COL23A1: variants seen among roughly 807,000 people sequenced by gnomAD.
COL23A1 encodes the protein collagen type XXIII alpha 1 chain.
Under a neutral mutation model 99.3 loss-of-function variants are expected in COL23A1, and 97 were observed. That is an observed-to-expected ratio of 0.98 (90% CI 0.83 to 1.16). The LOEUF is 1.16. Ranked by LOEUF, COL23A1 falls within the 50% of genes most tolerant of loss-of-function variation. COL23A1 has a pLI of 0.00. For missense variants in COL23A1, 762 were observed against 757.4 expected (o/e 1.01, Z -0.07); for synonymous variants, 320 against 308.2 (o/e 1.04, Z -0.40).
At chr5:178,567,495 C>A (rs1235370113) in intron 1 of COL23A1, among the ~76,000 whole-genome samples, 4 of 152,180 alleles carry the variant, frequency 2.6e-5, no homozygotes, top group Non-Finnish European at 5.9e-5. Context: ...GTAATCCCAG[C>A]AATTTGGGAC....
chr5:178,548,192 G>A (rs973070132), intron 2 of COL23A1, among the ~76,000 whole-genome samples: 2 of 150,958 alleles, frequency 1.3e-5, no homozygotes, highest in African/African-American at 4.9e-5. Context: ...CATCACTCCC[G>A]GCACCGTGTG....
At chr5:178,393,294 G>A (rs948173347) in intron 2 of COL23A1, among the ~76,000 whole-genome samples, 7 of 152,184 alleles carry the variant, frequency 4.6e-5, no homozygotes, top group East Asian at 1.9e-4. Context: ...AAGAAGTCAC[G>A]GAAGGACAAA....
intron 2 of COL23A1, among the ~76,000 whole-genome samples, chr5:178,535,526 G>A (rs1167652025): frequency 2.0e-5 from 3 of 152,262 alleles, no homozygotes; most frequent in Admixed American, 1.3e-4. Flanking sequence ...ACAGCAGTGC[G>A]CAGCCCAGAG....
At chr5:178,324,001 AG>A (rs1759495629) in intron 2 of COL23A1, among the ~76,000 whole-genome samples, 1 of 152,142 alleles carries the variant, frequency 6.6e-6, no homozygotes, top group African/African-American at 2.4e-5. Flanking sequence ...TTAAAGAAAA[AG>A]AAATGTGACG....
chr5:178,369,203 T>A (rs1317882805), intron 2 of COL23A1, among the ~76,000 whole-genome samples: 1 of 152,144 alleles, frequency 6.6e-6, no homozygotes, highest in Non-Finnish European at 1.5e-5. Context: ...GTGTATCTTG[T>A]CCTGTCCAGG....
chr5:178,522,569 G>A (rs1760007745), intron 2 of COL23A1, among the ~76,000 whole-genome samples: 1 of 152,148 alleles, frequency 6.6e-6, no homozygotes, highest in Non-Finnish European at 1.5e-5. Context: ...CGAGCCGGTG[G>A]TCAGCACATG....
chr5:178,560,911 G>A (rs536043067), intron 1 of COL23A1, among the ~76,000 whole-genome samples, 163 bp from the exon 2 acceptor site: 2 of 152,300 alleles, frequency 1.3e-5, no homozygotes, highest in South Asian at 2.1e-4. Flanking sequence ...ACTCTACAGG[G>A]AATTTTAGAA....
chr5:178,376,149 G>C (rs1180435083), intron 2 of COL23A1, among the ~76,000 whole-genome samples: 1 of 152,182 alleles, frequency 6.6e-6, no homozygotes, highest in African/African-American at 2.4e-5. Flanking sequence ...TCTCATCTGT[G>C]CTTTCTCTTT....
intron 2 of COL23A1, among the ~76,000 whole-genome samples, chr5:178,331,920 G>A (rs1760049756): frequency 6.6e-6 from 1 of 152,208 alleles, no homozygotes; most frequent in Non-Finnish European, 1.5e-5. Context: ...AAGCCACTTG[G>A]CTAGAGGGTG....
At chr5:178,327,790 G>T (rs535679985) in intron 2 of COL23A1, among the ~76,000 whole-genome samples, 1 of 152,206 alleles carries the variant, frequency 6.6e-6, no homozygotes, top group South Asian at 2.1e-4. Flanking sequence ...GGCCTCCTGG[G>T]TGTTCAGGAC....
At chr5:178,253,627 C>T (rs1029395147) in intron 16 of COL23A1, among the ~76,000 whole-genome samples, 7 of 151,808 alleles carry the variant, frequency 4.6e-5, no homozygotes, top group Middle Eastern at 3.2e-3. Context: ...AGACTACAGG[C>T]GCGCACCACC....
chr5:178,431,495 G>A (rs1043215041), intron 2 of COL23A1, among the ~76,000 whole-genome samples: 11 of 152,222 alleles, frequency 7.2e-5, no homozygotes, highest in Admixed American at 3.3e-4. Context: ...TCGAGACGGG[G>A]AGACTATTCT....
chr5:178,383,942 AG>A (rs1229368251), intron 2 of COL23A1, among the ~76,000 whole-genome samples: 1 of 152,058 alleles, frequency 6.6e-6, no homozygotes, highest in African/African-American at 2.4e-5. Context: ...GAATGGCTAG[AG>A]AGTTAAGAGA....
At chr5:178,523,199 T>C (rs542981546) in intron 2 of COL23A1, among the ~76,000 whole-genome samples, 5 of 75,980 alleles carry the variant, frequency 6.6e-5, no homozygotes, top group African/African-American at 2.3e-4. Context: ...TATATATATA[T>C]ATAGAGAGAG....
intron 2 of COL23A1, among the ~76,000 whole-genome samples, chr5:178,329,312 C>T (rs1759872758): frequency 6.6e-6 from 1 of 152,214 alleles, no homozygotes; most frequent in South Asian, 2.1e-4. Context: ...GCTTCCATTG[C>T]TCAGACAACT....
intron 2 of COL23A1, among the ~76,000 whole-genome samples, chr5:178,417,474 G>C (rs538418597): frequency 5.8e-4 from 89 of 152,192 alleles, no homozygotes; most frequent in African/African-American, 2.1e-3. Flanking sequence ...GCCCAAAGGG[G>C]GAAATCACGC....
chr5:178,405,680 A>C (rs1010460715), intron 2 of COL23A1, among the ~76,000 whole-genome samples: 3 of 152,262 alleles, frequency 2.0e-5, no homozygotes, highest in Non-Finnish European at 4.4e-5. Context: ...AAGAGAAAGG[A>C]AAGAAAGAGG....
intron 5 of COL23A1, among the ~76,000 whole-genome samples, chr5:178,283,791 TAGTC>T (rs949148926): frequency 6.6e-6 from 1 of 152,224 alleles, no homozygotes; most frequent in Non-Finnish European, 1.5e-5. Flanking sequence ...GGTTTCATCT[TAGTC>T]AGATGCCACA....
intron 27 of COL23A1, among the ~76,000 whole-genome samples, chr5:178,239,968 G>A (rs1408671392): frequency 6.6e-6 from 1 of 152,240 alleles, no homozygotes; most frequent in African/African-American, 2.4e-5. Flanking sequence ...GAGCTTTCAG[G>A]CCTTGGGCAG....
Sources: allele counts gnomAD v4.1 joint callset (sites outside exome capture counted in the v4.1 genomes callset), GRCh38; gene constraint gnomAD v4.1.1; transcripts MANE v1.5; gene names NCBI Gene and HGNC (gene_info 2026-07-23, HGNC 2026-07-21).